The following CADM2 variants were observed in gnomAD, a reference collection of about 807,000 sequenced individuals.
The protein encoded by CADM2 is cell adhesion molecule 2.
Under a neutral mutation model 49.8 loss-of-function variants are expected in CADM2, and 12 were observed. The observed-to-expected ratio is 0.24, with a 90% confidence interval of 0.15 to 0.39. CADM2 has a LOEUF of 0.39. Ranked by LOEUF, CADM2 falls within the 10% of genes least tolerant of loss-of-function variation. The pLI is 1.00. For missense variants in CADM2, 378 were observed against 492.3 expected, an observed-to-expected ratio of 0.77 and a Z score of 2.20; for synonymous variants, 214 against 175.4, an observed-to-expected ratio of 1.22 and a Z score of -1.74.
chr3:86,011,012 T>C (rs972712642), intron 8 of CADM2, among the ~76,000 whole-genome samples: 6 of 151,954 alleles, frequency 3.9e-5, no homozygotes, highest in Non-Finnish European at 7.4e-5. Context: ...GTGGAAAATA[T>C]ACCTTTTATC....
intron 5 of CADM2, among the ~76,000 whole-genome samples, chr3:85,905,130 A>G (rs1021833260): frequency 5.9e-5 from 9 of 151,944 alleles, no homozygotes; most frequent in African/African-American, 2.2e-4. Context: ...CCTTTTGTCT[A>G]TGGTGAATGC....
chr3:85,833,674 C>A (rs757994824), intron 3 of CADM2, among the ~76,000 whole-genome samples: 1 of 151,540 alleles, frequency 6.6e-6, no homozygotes, highest in African/African-American at 2.4e-5. Flanking sequence ...CCCTTGTCAA[C>A]GACTAGTTGA....
rs1277546164 is a variant in CADM2, at chr3:86,013,579, G to C, written c.970+51932G>C. The C allele has an allele frequency of 5.0e-6, 8 of 1,601,070 alleles. No individual in the cohort carries two copies. The Admixed American group carries it at 1.2e-4, about 24-fold the overall frequency. Reference sequence around the variant, plus strand: ...GTAGAGATCTGTGAGAGCTGTATTCGAGAAGAAACTCTCAGGGAAGAGAGA... The same window carrying C: ...GTAGAGATCTGTGAGAGCTGTATTCCAGAAGAAACTCTCAGGGAAGAGAGA... On this transcript the variant is annotated intron_variant, in intron 8 of 9. Coordinates refer to ENST00000383699, the MANE Select transcript of CADM2 (RefSeq NM_001167675.2).
At chr3:85,252,819 C>T (rs775906792) in intron 1 of CADM2, among the ~76,000 whole-genome samples, 6 of 151,028 alleles carry the variant, frequency 4.0e-5, no homozygotes, top group South Asian at 4.1e-4. Flanking sequence ...TTCCACTAAC[C>T]GTGGTCAGTA....
intron 1 of CADM2, among the ~76,000 whole-genome samples, chr3:85,215,039 G>A (rs1355539311): frequency 1.3e-5 from 2 of 151,958 alleles, no homozygotes; most frequent in Admixed American, 1.3e-4. Context: ...CTCCCTCCAT[G>A]GCCACCGTAG....
chr3:85,735,151 A>G (rs2068084608), intron 2 of CADM2, among the ~76,000 whole-genome samples: 1 of 152,096 alleles, frequency 6.6e-6, no homozygotes, highest in Non-Finnish European at 1.5e-5. Flanking sequence ...GTATGTTACA[A>G]TGTAGTATCC....
intron 3 of CADM2, among the ~76,000 whole-genome samples, chr3:85,877,836 C>T (rs1223600587): frequency 6.6e-6 from 1 of 151,924 alleles, no homozygotes; most frequent in Non-Finnish European, 1.5e-5. Context: ...AATTCAATAG[C>T]TACTCACTGA....
intron 1 of CADM2, among the ~76,000 whole-genome samples, chr3:85,157,021 C>T (rs1313743011): frequency 1.3e-5 from 2 of 152,008 alleles, no homozygotes; most frequent in Non-Finnish European, 2.9e-5. Context: ...GTGCAAAAAT[C>T]GCAAGCATTC....
At chr3:85,035,454 G>C (rs754417258) in intron 1 of CADM2, among the ~76,000 whole-genome samples, 5 of 151,956 alleles carry the variant, frequency 3.3e-5, no homozygotes, top group African/African-American at 9.7e-5. Context: ...TTTTTGCTTT[G>C]GTTTCCTGTG....
At chr3:85,439,023 A>G (rs2037061315) in intron 1 of CADM2, among the ~76,000 whole-genome samples, 1 of 151,814 alleles carries the variant, frequency 6.6e-6, no homozygotes, top group Admixed American at 6.6e-5. Context: ...TTGCATTTTA[A>G]CACCTGCTGT....
At chr3:85,347,580 CATATATACAT>C (rs1431682767) in intron 1 of CADM2, among the ~76,000 whole-genome samples, 15 of 109,232 alleles carry the variant, frequency 1.4e-4, no homozygotes, top group African/African-American at 4.8e-4. Context: ...AATATATATA[CATATATACAT>C]ATATATACAT....
chr3:85,841,775 C>T (rs2074649424), intron 3 of CADM2, among the ~76,000 whole-genome samples: 1 of 151,906 alleles, frequency 6.6e-6, no homozygotes, highest in South Asian at 2.1e-4. Flanking sequence ...CTGCATATAA[C>T]ATTATTCTTT....
intron 1 of CADM2, among the ~76,000 whole-genome samples, chr3:84,986,749 A>G (rs1373663645): frequency 2.8e-5 from 4 of 144,642 alleles, no homozygotes; most frequent in African/African-American, 4.9e-5. Context: ...AACTTAAAGT[A>G]TAATAATAAT....
chr3:85,398,164 AC>A (rs2034891933), intron 1 of CADM2, among the ~76,000 whole-genome samples: 1 of 147,744 alleles, frequency 6.8e-6, no homozygotes, highest in Admixed American at 6.8e-5. Flanking sequence ...CCCTTCCCCC[AC>A]CCCATGACAG....
chr3:85,971,237 G>A (rs1726085762), intron 8 of CADM2, among the ~76,000 whole-genome samples: 1 of 151,544 alleles, frequency 6.6e-6, no homozygotes, highest in Non-Finnish European at 1.5e-5. Flanking sequence ...CGTATGTCCT[G>A]ACGTCATGTG....
intron 6 of CADM2, among the ~76,000 whole-genome samples, chr3:85,912,941 T>A (rs571711534): frequency 2.0e-5 from 3 of 152,282 alleles, no homozygotes; most frequent in Admixed American, 6.5e-5. Context: ...CAGCTATGCT[T>A]TTAAGATTAG....
chr3:85,176,481 T>C (rs190702998), intron 1 of CADM2, among the ~76,000 whole-genome samples: 2 of 152,160 alleles, frequency 1.3e-5, no homozygotes, highest in Non-Finnish European at 2.9e-5. Flanking sequence ...GAAACCTCAC[T>C]TTTTTTCTAT....
intron 1 of CADM2, among the ~76,000 whole-genome samples, chr3:85,037,006 A>AAG (rs1553673300): frequency 2.0e-5 from 3 of 149,080 alleles, no homozygotes; most frequent in Non-Finnish European, 4.5e-5. Flanking sequence ...AGAAAAAAAA[A>AAG]AAAAAAAAAA....
chr3:85,251,125 C>T (rs1304651751), intron 1 of CADM2, among the ~76,000 whole-genome samples: 1 of 151,624 alleles, frequency 6.6e-6, no homozygotes, highest in African/African-American at 2.4e-5. Flanking sequence ...CATTTTTCTA[C>T]TAGAACAGTA....
Sources: gnomAD v4.1 joint callset for allele counts (sites outside exome capture counted in the v4.1 genomes callset) on GRCh38, gnomAD v4.1.1 for gene constraint, MANE v1.5 for transcripts, NCBI Gene and HGNC (gene_info 2026-07-23, HGNC 2026-07-21) for gene names.